Variants in C4orf36 observed in about 807,000 individuals in gnomAD.
C4orf36 encodes the protein chromosome 4 open reading frame 36.
In C4orf36, 11 loss-of-function variants were observed where a neutral mutation model predicts 12.2. That is an observed-to-expected ratio of 0.90 (90% CI 0.57 to 1.49). C4orf36 has a LOEUF of 1.49. Ranked by LOEUF, C4orf36 falls within the 40% of genes most tolerant of loss-of-function variation. The probability of loss-of-function intolerance (pLI) is 0.00; values close to 1 mark genes in which losing one functional copy is unlikely to be tolerated. For missense variants in C4orf36, 137 were observed against 133.9 expected (o/e 1.02, Z -0.11); for synonymous variants, 54 against 51.3 (o/e 1.05, Z -0.22).
chr4:86,920,318 C>A, the C4orf36 span, among the ~76,000 whole-genome samples: 8 of 152,156 alleles, frequency 5.3e-5, no homozygotes, highest in African/African-American at 1.7e-4. Flanking sequence ...TTCTTCTGAG[C>A]CCTCACCAGA....
chr4:86,891,006 G>A (rs1268799726), intron 2 of C4orf36, among the ~76,000 whole-genome samples: 1 of 151,826 alleles, frequency 6.6e-6, no homozygotes, highest in Admixed American at 6.6e-5. Context: ...AAGTATACAG[G>A]ATATAAAAGC....
intron 4 of C4orf36, among the ~76,000 whole-genome samples, chr4:86,883,605 A>C (rs184584241): frequency 6.6e-6 from 1 of 152,324 alleles, no homozygotes; most frequent in Admixed American, 6.5e-5. Flanking sequence ...ACACAGAAAC[A>C]AGGTAACTTA....
intron 4 of C4orf36, among the ~76,000 whole-genome samples, chr4:86,878,175 C>G (rs1473860613): frequency 6.6e-6 from 1 of 151,994 alleles, no homozygotes; most frequent in African/African-American, 2.4e-5. Flanking sequence ...CCCCTCAATG[C>G]CACTCTAGCA....
chr4:86,921,856 G>A, the C4orf36 span, among the ~76,000 whole-genome samples: 25 of 152,074 alleles, frequency 1.6e-4, 2 homozygotes. Context: ...TGCCCTCCAG[G>A]CCCTGACAAC....
chr4:86,904,304 C>T, the C4orf36 span, among the ~76,000 whole-genome samples: 1 of 152,220 alleles, frequency 6.6e-6, no homozygotes, highest in East Asian at 1.9e-4. Context: ...CACACTTCCC[C>T]GCGAGCACAG....
At chr4:86,918,394 GGAGTAT>G in the C4orf36 span, among the ~76,000 whole-genome samples, 8 of 152,230 alleles carry the variant, frequency 5.3e-5, no homozygotes, top group Non-Finnish European at 1.2e-4. Context: ...CAGGAATCAA[GGAGTAT>G]GAGTGAGAGT....
chr4:86,924,200 G>T, the C4orf36 span, among the ~76,000 whole-genome samples: 8 of 151,940 alleles, frequency 5.3e-5, no homozygotes, highest in South Asian at 1.5e-3. Flanking sequence ...GCCACCACAT[G>T]TGGTTGTTTC....
At chr4:86,899,545 A>AGGCACAGTGGCTCACTCCTGTGATCCC in the C4orf36 span, among the ~76,000 whole-genome samples, 1 of 152,220 alleles carries the variant, frequency 6.6e-6, no homozygotes, top group Non-Finnish European at 1.5e-5. Flanking sequence ...AGGCAGTGCC[A>AGGCACAGTGGCTCACTCCTGTGATCCC]GGCACAGTGG....
At chr4:86,918,150 C>T in the C4orf36 span, among the ~76,000 whole-genome samples, 4 of 152,214 alleles carry the variant, frequency 2.6e-5, no homozygotes, top group East Asian at 7.7e-4. Flanking sequence ...TTCATGAGGG[C>T]TATGCCCTCC....
upstream of C4orf36, among the ~76,000 whole-genome samples, chr4:86,893,220 GT>G (rs775910897): frequency 5.9e-5 from 9 of 152,220 alleles, no homozygotes; most frequent in Non-Finnish European, 8.8e-5. Context: ...GTTCAGGGTG[GT>G]TAAAGGGCTG....
the C4orf36 span, chr4:86,914,384 CTTCTTCCTTTTTT>C: frequency 1.8e-5 from 9 of 511,430 alleles, no homozygotes; most frequent in African/African-American, 1.6e-4. Context: ...TCCCGTTCTT[CTTCTTCCTTTTTT>C]TTTTTTTTTT....
chr4:86,900,040 T>C, the C4orf36 span, among the ~76,000 whole-genome samples: 2 of 148,858 alleles, frequency 1.3e-5, no homozygotes, highest in Non-Finnish European at 3.0e-5. Flanking sequence ...ATAGGCAGCT[T>C]TTTTTTTTTT....
the C4orf36 span, among the ~76,000 whole-genome samples, chr4:86,917,339 GAAGGATGGAAGGAAGGAAGGA>G: frequency 2.7e-5 from 4 of 146,226 alleles, no homozygotes; most frequent in African/African-American, 7.5e-5. Flanking sequence ...ATGAAGGAAG[GAAGGATGGAAGGAAGGAAGGA>G]AAGGATGGAA....
At chr4:86,894,570 G>A (rs1208219224), upstream of C4orf36, among the ~76,000 whole-genome samples, 1 of 152,114 alleles carries the variant, frequency 6.6e-6, no homozygotes, top group East Asian at 1.9e-4. Context: ...ACCAGAAGAG[G>A]TCAAGCCTGT....
At chr4:86,914,745 G>T in the C4orf36 span, 3 of 430,040 alleles carry the variant, frequency 7.0e-6, no homozygotes, top group Admixed American at 3.3e-5. Context: ...TGGAACTGAG[G>T]GCAATCTGGG....
At chr4:86,927,821 A>G in the C4orf36 span, among the ~76,000 whole-genome samples, 1 of 152,158 alleles carries the variant, frequency 6.6e-6, no homozygotes, top group Non-Finnish European at 1.5e-5. Flanking sequence ...AAAATTCTGG[A>G]AAGCCTGGAG....
intron 4 of C4orf36, chr4:86,876,710 C>T (rs1458856487): frequency 6.3e-7 from 1 of 1,581,962 alleles, no homozygotes; most frequent in African/African-American, 1.4e-5. Context: ...GTGATCTTTA[C>T]TATTCAGAAT....
In C4orf36 at chr4:86,879,850, TC is replaced by T. The variant is rs1306387554; in HGVS notation, c.*3-3408del. Among the ~76,000 whole-genome samples the T allele has an allele frequency of 2.5e-4, 13 of 51,278 alleles. No individual in the cohort carries two copies. In the East Asian group the frequency reaches 6.8e-3, roughly 27 times the overall value. 33.6% of individuals were successfully genotyped at this position (51,278 alleles called of 152,430 possible). On this transcript the variant is annotated intron_variant, in intron 4 of 4. Coordinates refer to ENST00000295898, the MANE Select transcript of C4orf36 (RefSeq NM_144645.4). ...TAGACTATAAGCAGTTTGTTTTGTT[TC>T]TTTTTTTTTTTTTTTTTGAGATAGG...
At chr4:86,883,177 G>A (rs542763324) in intron 4 of C4orf36, among the ~76,000 whole-genome samples, 12 of 151,704 alleles carry the variant, frequency 7.9e-5, no homozygotes, top group Non-Finnish European at 1.6e-4. Context: ...GTTACACAGT[G>A]GGGACATCAG....
Sources: gnomAD v4.1 joint callset for allele counts (sites outside exome capture counted in the v4.1 genomes callset) on GRCh38, gnomAD v4.1.1 for gene constraint, MANE v1.5 for transcripts, NCBI Gene and HGNC (gene_info 2026-07-23, HGNC 2026-07-21) for gene names.